CTBS: variants seen among roughly 807,000 people sequenced by gnomAD.
CTBS encodes di-N-acetylchitobiase.
A neutral mutation model predicts 44.3 loss-of-function variants in CTBS; 35 were observed. That is an observed-to-expected ratio of 0.79 (90% CI 0.60 to 1.05). The LOEUF is 1.05. CTBS is among the 50% of genes least tolerant of loss of function. The probability of loss-of-function intolerance (pLI) is 0.00; values close to 1 mark genes in which losing one functional copy is unlikely to be tolerated. For missense variants in CTBS, 458 were observed against 475.3 expected, an observed-to-expected ratio of 0.96 and a Z score of 0.34; for synonymous variants, 143 against 168.0, an observed-to-expected ratio of 0.85 and a Z score of 1.15.
In CTBS at chr1:84,563,386, G is replaced by C. The variant is rs747885910; in HGVS notation, c.828C>G (p.Phe276Leu). 1.3e-6 allele frequency: 2 copies of C among 1,576,196 alleles called. No individual in the cohort carries two copies. The highest frequency in any genetic ancestry group is 3.8e-5 in the Admixed American group (2 of 52,992). Residue 276 changes from phenylalanine (F) to leucine (L), a missense_variant, in exon 6 of 7, where the codon TTC becomes TTG. Phe to Leu is a conservative substitution (Grantham distance 22). Coordinates refer to ENST00000370630, the MANE Select transcript of CTBS (RefSeq NM_004388.3). ...CAGCGTCACTACAAGGAGCCCCCCG[G>C]AAAGGGACTTTTGCAATGGTACAAA... is the stretch of plus-strand genomic sequence containing the variant. ...DHVCTIAKVP[F>L]RGAPCSDAAG... is the part of the protein sequence containing the mutation.
rs1684248643 is a variant in CTBS, at chr1:84,550,825, G to A, written c.*4174C>T. The A allele has an allele frequency of 9.9e-7, 1 of 1,006,176 alleles. No homozygotes were observed. Among genetic ancestry groups the A allele is most frequent in the Non-Finnish European group, 1.2e-6 (1 of 843,146 alleles). 62.3% of individuals were successfully genotyped at this position (1,006,176 alleles called of 1,614,324 possible). Reference sequence around the variant, plus strand: ...ATATTCTCAAAAAAAATTTTAAGTAGTTTTCCTGTATTAGAATTATTAAGT... The same window carrying A: ...ATATTCTCAAAAAAAATTTTAAGTAATTTTCCTGTATTAGAATTATTAAGT... On this transcript the variant is annotated 3_prime_UTR_variant, in exon 7 of 7. Coordinates refer to ENST00000370630, the MANE Select transcript of CTBS (RefSeq NM_004388.3).
Position 84,570,623 on chromosome 1 carries a change from A to G in CTBS, c.275T>C (p.Met92Thr), listed in dbSNP as rs780378355. Residue 92 changes from methionine (M) to threonine (T), a missense_variant, in exon 2 of 7, where the codon ATG (methionine) becomes ACG (threonine). Transcript: ENST00000370630. ...GGCTCCTTTTGAATGAGCGTAGCAC[A>G]TAAGTTCTGAGTCATATTTTCCAAA... ...ATFGKYDSEL[M>T]CYAHSKGARV... The G allele has an allele frequency of 2.4e-5, 39 of 1,614,070 alleles. 1 individual carries two copies. Among genetic ancestry groups the G allele is most frequent in the East Asian group, 8.9e-5 (4 of 44,882 alleles).
In CTBS at chr1:84,553,718, T is replaced by A. The variant is rs540819156; in HGVS notation, c.*1281A>T. ...ACTCTGTCACAAACAATTGTGTAAA[T>A]AGGAAATGTAATATTCTCATAACAG... On this transcript the variant is annotated 3_prime_UTR_variant, in exon 7 of 7. Transcript: ENST00000370630. The A allele has an allele frequency of 1.3e-5, 2 of 152,148 alleles. No homozygotes were observed. Among genetic ancestry groups the A allele is most frequent in the African/African-American group, 4.8e-5 (2 of 41,424 alleles). The allele number at this position is 152,148 out of a possible 1,614,324, so 9.4% of individuals were successfully genotyped here. A position where few individuals can be genotyped will look rare whatever the true frequency, so the allele number is the denominator to read the frequency against.
In CTBS at chr1:84,553,477, C is replaced by T. The variant is rs1168879156; in HGVS notation, c.*1522G>A. On this transcript the variant is annotated 3_prime_UTR_variant, in exon 7 of 7. Transcript: ENST00000370630. ...AAGAATAAATGTATATTAATGAATA[C>T]TAATATATTTGCATGAAAATACAGA... 2 of 151,908 alleles carry T rather than the reference C, an allele frequency of 1.3e-5. No homozygotes were observed. Among genetic ancestry groups the T allele is most frequent in the Non-Finnish European group, 2.9e-5 (2 of 68,110 alleles). The allele number at this position is 151,908 out of a possible 1,614,324, so 9.4% of individuals were successfully genotyped here.
At chr1:84,559,239 T>C (rs1194327406) in intron 6 of CTBS, among the ~76,000 whole-genome samples, 1 of 152,226 alleles carries the variant, frequency 6.6e-6, no homozygotes, top group African/African-American at 2.4e-5. Context: ...ATTATTATTA[T>C]ATCTGTTATG....
At chr1:84,557,436 G>A (rs1218581561) in intron 6 of CTBS, among the ~76,000 whole-genome samples, 1 of 150,820 alleles carries the variant, frequency 6.6e-6, no homozygotes, top group Non-Finnish European at 1.5e-5. Context: ...AGGACGCTGA[G>A]GCAGGAGAAT....
intron 6 of CTBS, among the ~76,000 whole-genome samples, chr1:84,556,308 A>C (rs1039570962): frequency 6.6e-6 from 1 of 152,206 alleles, no homozygotes; most frequent in Admixed American, 6.5e-5. Context: ...CTGTGACTAA[A>C]AATAATTTAC....
intron 4 of CTBS, among the ~76,000 whole-genome samples, chr1:84,564,735 A>G (rs536140954): frequency 6.6e-6 from 1 of 152,254 alleles, no homozygotes; most frequent in Admixed American, 6.5e-5. Context: ...TAACAGAATA[A>G]GTTATTTTTC....
intron 6 of CTBS, among the ~76,000 whole-genome samples, chr1:84,561,116 A>T (rs1684587204): frequency 6.6e-6 from 1 of 152,230 alleles, no homozygotes; most frequent in African/African-American, 2.4e-5. Flanking sequence ...TGGCCAAAGT[A>T]AACTGAAAGC....
intron 3 of CTBS, among the ~76,000 whole-genome samples, chr1:84,568,254 A>G (rs928929661): frequency 2.6e-5 from 4 of 152,236 alleles, no homozygotes; most frequent in African/African-American, 9.6e-5. Flanking sequence ...GTTGTTTCCC[A>G]TATATTCCAC....
intron 4 of CTBS, 137 bp downstream of exon 4, chr1:84,565,704 G>T (rs1684686136): frequency 5.1e-6 from 2 of 394,836 alleles, no homozygotes; most frequent in Non-Finnish European, 8.0e-6. Context: ...TCAATTAAGT[G>T]ATTTTTACAT....
intron 1 of CTBS, among the ~76,000 whole-genome samples, chr1:84,572,348 A>G (rs996744264): frequency 6.6e-6 from 1 of 151,828 alleles, no homozygotes; most frequent in African/African-American, 2.4e-5. Flanking sequence ...TCTGACTCAT[A>G]TTTCTATCAA....
At position 84,550,899 on chromosome 1, in the gene CTBS, G is replaced by A. The variant is rs534020836; in HGVS notation, c.*4100C>T. ...CTGAACTGACATTTAATTTTTTATG[G>A]GTAATCGTTTCATTTTTTCTGGTTA... is the stretch of plus-strand genomic sequence containing the variant. On this transcript the variant is annotated 3_prime_UTR_variant, in exon 7 of 7. Transcript: ENST00000370630. 8.2e-5 allele frequency: 80 copies of A among 978,484 alleles called. No homozygotes were observed. In the African/African-American group the frequency reaches 1.2e-3, roughly 15 times the overall value. 60.6% of individuals were successfully genotyped at this position (978,484 alleles called of 1,614,324 possible).
rs1176847648 is a variant in CTBS at position 84,550,460 on chromosome 1, T to G, written c.*4539A>C. 1 of 1,563,694 alleles carries G rather than the reference T, an allele frequency of 6.4e-7. No homozygotes were observed. Among genetic ancestry groups the G allele is most frequent in the Admixed American group, 1.8e-5 (1 of 54,776 alleles). ...TACCTAATAATCCAGATCACTGAGG[T>G]ACAGCATGCAATTGACCAGCTTAAG... On this transcript the variant is annotated 3_prime_UTR_variant, in exon 7 of 7. Transcript: ENST00000370630.
chr1:84,563,429 A>G lies in CTBS; in HGVS notation c.796-11T>C. The G allele has an allele frequency of 3.4e-6, 5 of 1,481,526 alleles. No individual in the cohort carries two copies. The highest frequency in any genetic ancestry group is 4.5e-6 in the Non-Finnish European group (5 of 1,117,596). 91.8% of individuals were successfully genotyped at this position (1,481,526 alleles called of 1,614,324 possible). A position where few individuals can be genotyped will look rare whatever the true frequency, so the allele number is the denominator to read the frequency against. ...GGTACAAACATGATCCTAGAAATGC[A>G]AAAGTGCTCATGTTATATATTATCA... On this transcript the variant is annotated splice_polypyrimidine_tract_variant and intron_variant, in intron 5 of 6. Transcript: ENST00000370630.
intron 1 of CTBS, among the ~76,000 whole-genome samples, chr1:84,573,718 G>A (rs1415435767): frequency 6.6e-6 from 1 of 152,194 alleles, no homozygotes; most frequent in Non-Finnish European, 1.5e-5. Flanking sequence ...TTGTTATGTA[G>A]ATAGAAGGAA....
chr1:84,565,033 T>C (rs1158196649), intron 4 of CTBS, among the ~76,000 whole-genome samples: 1 of 151,730 alleles, frequency 6.6e-6, no homozygotes, highest in Non-Finnish European at 1.5e-5. Context: ...AGCAAGACTC[T>C]GTCTCAGAAA....
rs761848985 is a variant in CTBS, at chr1:84,566,049, T to C, written c.526-37A>G. 3 of 1,356,470 alleles carry C rather than the reference T, an allele frequency of 2.2e-6. No homozygotes were observed. The East Asian group carries it at 8.0e-5, about 36-fold the overall frequency. The allele number at this position is 1,356,470 out of a possible 1,614,324, so 84.0% of individuals were successfully genotyped here. On this transcript the variant is annotated intron_variant, in intron 3 of 6. Coordinates refer to ENST00000370630, the MANE Select transcript of CTBS (RefSeq NM_004388.3). ...AATCTTACTATTTTATGTAATATGATCACGTGTGCATATTACGTCAGATTT... is the reference window on the plus strand; with the variant it reads ...AATCTTACTATTTTATGTAATATGACCACGTGTGCATATTACGTCAGATTT...
In CTBS at chr1:84,554,061, G is replaced by C. The variant is rs1684355445; in HGVS notation, c.*938C>G. ...GGAAGCCAAGGCAGGAGGAGTGCTT[G>C]AGCCCAGGAGTTGGAGACCCATCTG... On this transcript the variant is annotated 3_prime_UTR_variant, in exon 7 of 7. Transcript: ENST00000370630. 6.6e-6 allele frequency: 1 copy of C among 152,144 alleles called. No individual in the cohort carries two copies. Among genetic ancestry groups the C allele is most frequent in the Admixed American group, 6.6e-5 (1 of 15,258 alleles). 9.4% of individuals were successfully genotyped at this position (152,144 alleles called of 1,614,324 possible). A position where few individuals can be genotyped will look rare whatever the true frequency, so the allele number is the denominator to read the frequency against.
Sources: gnomAD v4.1 joint callset for allele counts (sites outside exome capture counted in the v4.1 genomes callset) on GRCh38, gnomAD v4.1.1 for gene constraint, MANE v1.5 for transcripts, NCBI Gene and HGNC (gene_info 2026-07-23, HGNC 2026-07-21) for gene names.